The following NRCAM variants were observed in gnomAD, a reference collection of about 807,000 sequenced individuals.
NRCAM encodes the protein neuronal cell adhesion molecule.
Under a neutral mutation model 156.5 loss-of-function variants are expected in NRCAM, and 83 were observed. The ratio of observed to expected loss-of-function variants is 0.53; its 90% CI spans 0.44 to 0.64. NRCAM has a LOEUF of 0.64. NRCAM is among the 30% of genes least tolerant of loss of function. NRCAM has a pLI of 0.00. For synonymous variants in NRCAM, 538 were observed against 563.9 expected (o/e 0.95, Z 0.65); for missense variants, 1,417 against 1,597.3 (o/e 0.89, Z 1.92).
chr7:108,167,042 ATT>A lies in NRCAM; in HGVS notation c.3343_3344del (p.Asn1115TrpfsTer37). ...TTAACCCAAAGAAGCTCCGAGAACC[ATT>A]TACAATTTCTTTTCTCCATTCTTCT... ...SKEEWRKEIV[N>X]GSRSFFGLKG... On this transcript the variant is annotated frameshift_variant, in exon 30 of 33. Transcript: ENST00000379028. LOFTEE classifies it high-confidence loss of function. The A allele has an allele frequency of 6.2e-7, 1 of 1,613,794 alleles. No individual in the cohort carries two copies. Among genetic ancestry groups the A allele is most frequent in the Non-Finnish European group, 8.5e-7 (1 of 1,179,804 alleles).
chr7:108,301,497 G>A (rs980840665), intron 3 of NRCAM, among the ~76,000 whole-genome samples: 7 of 152,166 alleles, frequency 4.6e-5, no homozygotes, highest in Non-Finnish European at 1.0e-4. Context: ...ATGAGCTACA[G>A]AAGAAAACAG....
chr7:108,305,424 G>GT (rs2098700945), intron 3 of NRCAM, among the ~76,000 whole-genome samples: 2 of 151,666 alleles, frequency 1.3e-5, no homozygotes, highest in Admixed American at 6.6e-5. Context: ...TTGTTTTTTT[G>GT]TTTTTTGTTT....
At chr7:108,445,258 A>G (rs1405561565) in intron 1 of NRCAM, among the ~76,000 whole-genome samples, 2 of 152,228 alleles carry the variant, frequency 1.3e-5, no homozygotes, top group Admixed American at 6.5e-5. Context: ...CACACTGCCG[A>G]CAGCTTTGCT....
chr7:108,392,472 T>C (rs1204061122), intron 2 of NRCAM, among the ~76,000 whole-genome samples: 2 of 152,188 alleles, frequency 1.3e-5, no homozygotes, highest in South Asian at 2.1e-4. Context: ...TAGCCATTCG[T>C]CTAATCTTTT....
In NRCAM at chr7:108,191,782, A is replaced by C; in HGVS notation, c.1850T>G (p.Val617Gly). Residue 617 changes from valine to glycine, a missense_variant, in exon 18 of 33, where the codon GTG becomes GGG. Around this residue, in one of 2 missense-constraint regions of NRCAM, gnomAD observed 1,238 missense variants for 1,336.4 expected, o/e 0.93. Coordinates refer to ENST00000379028, the MANE Select transcript of NRCAM (RefSeq NM_001037132.4). Reference protein sequence around the residue: ...SDDDSGTYTCVANTTLDSVSA... With the variant: ...SDDDSGTYTCGANTTLDSVSA... ...GACGCTGTCCAGAGTGGTGTTGGCC[A>C]CACACGTGTAGGTCCCGCTGTCATC... The C allele has an allele frequency of 6.2e-7, 1 of 1,614,036 alleles. No homozygotes were observed. Among genetic ancestry groups the C allele is most frequent in the Non-Finnish European group, 8.5e-7 (1 of 1,180,020 alleles).
intron 3 of NRCAM, among the ~76,000 whole-genome samples, chr7:108,285,185 A>G (rs2098041378): frequency 6.6e-6 from 1 of 152,220 alleles, no homozygotes; most frequent in Non-Finnish European, 1.5e-5. Context: ...CAGTCACTGA[A>G]TAACAGATTG....
intron 3 of NRCAM, among the ~76,000 whole-genome samples, chr7:108,245,751 C>T (rs1404696966): frequency 6.6e-6 from 1 of 152,036 alleles, no homozygotes; most frequent in Non-Finnish European, 1.5e-5. Flanking sequence ...TATTAAAAAG[C>T]TTTTGGGACA....
rs2150773266 is a variant in NRCAM, at chr7:108,148,582, C to T, written c.*1328G>A. 6.5e-6 allele frequency: 1 copy of T among 152,744 alleles called. No individual in the cohort carries two copies. Among genetic ancestry groups the T allele is most frequent in the East Asian group, 1.9e-4 (1 of 5,178 alleles). 9.5% of individuals were successfully genotyped at this position (152,744 alleles called of 1,614,324 possible). On this transcript the variant is annotated 3_prime_UTR_variant, in exon 33 of 33. Coordinates refer to ENST00000379028, the MANE Select transcript of NRCAM (RefSeq NM_001037132.4). ...ACTTTTTAAACTGCAGATGTAATCC[C>T]TTGGACCGTTGGCCTTTTAAGCACT...
intron 1 of NRCAM, among the ~76,000 whole-genome samples, chr7:108,452,788 T>C (rs959396377): frequency 1.3e-5 from 2 of 152,154 alleles, no homozygotes; most frequent in African/African-American, 4.8e-5. Flanking sequence ...ACCGAGCTTC[T>C]CAGATGGTAG....
intron 2 of NRCAM, among the ~76,000 whole-genome samples, chr7:108,388,822 T>G (rs1368916186): frequency 6.6e-6 from 1 of 152,226 alleles, no homozygotes; most frequent in African/African-American, 2.4e-5. Context: ...AGGGAATCCT[T>G]TCCCCATTGC....
At chr7:108,221,053 G>T (rs6980041) in intron 11 of NRCAM, among the ~76,000 whole-genome samples, 35,371 of 152,034 alleles carry the variant, frequency 0.23, 4,365 homozygotes, top group Non-Finnish European at 0.27. Flanking sequence ...TGAATAGACA[G>T]TTTTCAAAAG....
intron 3 of NRCAM, among the ~76,000 whole-genome samples, chr7:108,289,047 T>C (rs1209769239): frequency 6.6e-6 from 1 of 152,090 alleles, no homozygotes; most frequent in African/African-American, 2.4e-5. Context: ...ACAAAAGTTA[T>C]CTAGGACTTG....
intron 1 of NRCAM, among the ~76,000 whole-genome samples, chr7:108,453,956 G>T (rs906579270): frequency 2.0e-5 from 3 of 152,134 alleles, no homozygotes; most frequent in Non-Finnish European, 2.9e-5. Context: ...CTCATTTGCA[G>T]TCAAAACCGT....
At chr7:108,396,227 T>G (rs1020848438) in intron 2 of NRCAM, among the ~76,000 whole-genome samples, 1 of 152,220 alleles carries the variant, frequency 6.6e-6, no homozygotes, top group Non-Finnish European at 1.5e-5. Context: ...GAAATATTCT[T>G]TGTGTTCTGC....
chr7:108,398,992 T>C (rs1252458093), intron 2 of NRCAM, among the ~76,000 whole-genome samples: 1 of 152,230 alleles, frequency 6.6e-6, no homozygotes, highest in African/African-American at 2.4e-5. Context: ...TTTTTCTTAC[T>C]TATGCAAATA....
chr7:108,232,548 G>GT, intron 6 of NRCAM, 26 bp from the exon 7 acceptor site: 1 of 1,516,350 alleles, frequency 6.6e-7, no homozygotes, highest in African/African-American at 1.4e-5. Context: ...AGTGTTAAGT[G>GT]TATTAATGGT....
intron 17 of NRCAM, among the ~76,000 whole-genome samples, chr7:108,192,696 C>T (rs545579673): frequency 3.8e-4 from 58 of 152,228 alleles, no homozygotes; most frequent in African/African-American, 1.3e-3. Context: ...AGTTCAATTT[C>T]TATCAAAGTA....
intron 22 of NRCAM, 77 bp downstream of exon 22, chr7:108,184,164 A>T: frequency 2.0e-6 from 2 of 1,023,412 alleles, no homozygotes; most frequent in Non-Finnish European, 3.0e-6. Flanking sequence ...ATGAGATTCT[A>T]ATGTAGATAT....
At chr7:108,168,136 T>C in intron 29 of NRCAM, 141 bp downstream of exon 29, 1 of 894,336 alleles carries the variant, frequency 1.1e-6, no homozygotes, top group Non-Finnish European at 1.5e-6. Flanking sequence ...TGGTTCACTA[T>C]AATTTTTTTA....
Sources: gnomAD v4.1 joint callset for allele counts (sites outside exome capture counted in the v4.1 genomes callset) on GRCh38, gnomAD v4.1.1 for gene constraint, gnomAD v4.1.1 regional missense constraint, MANE v1.5 for transcripts, NCBI Gene and HGNC (gene_info 2026-07-23, HGNC 2026-07-21) for gene names.